The following MAGI1 variants were observed in gnomAD, a reference collection of about 807,000 sequenced individuals.
MAGI1 encodes the protein membrane-associated guanylate kinase, WW and PDZ domain-containing protein 1.
MAGI1 carries 58 observed loss-of-function variants against 139.9 expected under a neutral mutation model. The ratio of observed to expected loss-of-function variants is 0.41; its 90% CI spans 0.34 to 0.52. The LOEUF is 0.52. MAGI1 is among the 20% of genes least tolerant of loss of function. MAGI1 has a pLI of 0.12. For missense variants in MAGI1, 1,874 were observed against 1,901.6 expected, an observed-to-expected ratio of 0.99 and a Z score of 0.27; for synonymous variants, 812 against 737.9, an observed-to-expected ratio of 1.10 and a Z score of -1.63.
At chr3:65,377,866 C>G (rs574917420) in intron 17 of MAGI1, among the ~76,000 whole-genome samples, 1 of 152,100 alleles carries the variant, frequency 6.6e-6, no homozygotes, top group Non-Finnish European at 1.5e-5. Flanking sequence ...ATAAAACTTA[C>G]GGGGAGACAG....
chr3:65,403,351 T>C (rs1426726719), intron 12 of MAGI1, among the ~76,000 whole-genome samples: 3 of 152,170 alleles, frequency 2.0e-5, no homozygotes, highest in Non-Finnish European at 4.4e-5. Flanking sequence ...ATAAAAAAGA[T>C]TATAGGAGAA....
intron 1 of MAGI1, among the ~76,000 whole-genome samples, chr3:65,741,163 A>C (rs2035227901): frequency 6.7e-6 from 1 of 149,392 alleles, no homozygotes; most frequent in Non-Finnish European, 1.5e-5. Flanking sequence ...AAAATAAAAG[A>C]GGTTGCTATT....
intron 1 of MAGI1, among the ~76,000 whole-genome samples, chr3:65,743,889 T>G (rs2035479112): frequency 6.6e-6 from 1 of 152,088 alleles, no homozygotes; most frequent in South Asian, 2.1e-4. Context: ...GAAAATTAAT[T>G]TACACATAAA....
intron 2 of MAGI1, among the ~76,000 whole-genome samples, chr3:65,549,000 T>C (rs11706202): frequency 0.49 from 74,582 of 152,152 alleles, 18,548 homozygotes; most frequent in East Asian, 0.69. Flanking sequence ...CAAGGGACCC[T>C]GGCCCTAGGC....
chr3:65,394,686 T>TG (rs1944244142), intron 13 of MAGI1, among the ~76,000 whole-genome samples: 1 of 151,796 alleles, frequency 6.6e-6, no homozygotes, highest in South Asian at 2.1e-4. Flanking sequence ...AAAGTAATTT[T>TG]TTTTTTATTT....
chr3:65,842,430 G>A (rs1222428727), intron 1 of MAGI1, among the ~76,000 whole-genome samples: 4 of 149,826 alleles, frequency 2.7e-5, no homozygotes, highest in African/African-American at 4.9e-5. Flanking sequence ...GCGCAATCTC[G>A]ACTCACCACA....
chr3:65,425,114 AAAAAAAAAAAAAAAAAAAC>A (rs1429270348), intron 12 of MAGI1, among the ~76,000 whole-genome samples: 5 of 30,460 alleles, frequency 1.6e-4, no homozygotes, highest in African/African-American at 2.4e-4. Flanking sequence ...CTTCTAAAAA[AAAAAAAAAAAAAAAAAAAC>A]AAAAAAAAAC....
intron 2 of MAGI1, among the ~76,000 whole-genome samples, chr3:65,542,828 G>C (rs1248290512): frequency 6.6e-6 from 1 of 152,108 alleles, no homozygotes; most frequent in African/African-American, 2.4e-5. Flanking sequence ...TATCATTCAG[G>C]ACATAAGCAT....
intron 9 of MAGI1, among the ~76,000 whole-genome samples, chr3:65,438,542 T>G (rs1451059565): frequency 6.6e-6 from 1 of 152,180 alleles, no homozygotes; most frequent in Non-Finnish European, 1.5e-5. Flanking sequence ...TCTTTTTAGC[T>G]AGAAAAGAGA....
chr3:65,999,400 T>G (rs2066622640), intron 1 of MAGI1, among the ~76,000 whole-genome samples: 1 of 152,156 alleles, frequency 6.6e-6, no homozygotes, highest in Admixed American at 6.5e-5. Flanking sequence ...ACTTTCAATG[T>G]GCCAAGCATA....
intron 1 of MAGI1, among the ~76,000 whole-genome samples, chr3:65,942,030 G>A (rs370255435): frequency 1.3e-5 from 2 of 152,084 alleles, no homozygotes; most frequent in East Asian, 1.9e-4. Flanking sequence ...CAAGTGATCC[G>A]CCTGCCTTGG....
At chr3:65,539,979 CA>C (rs1308575165) in intron 2 of MAGI1, among the ~76,000 whole-genome samples, 2 of 152,090 alleles carry the variant, frequency 1.3e-5, no homozygotes, top group Admixed American at 1.3e-4. Flanking sequence ...TGAACTCAGG[CA>C]AGTAAGGTAA....
intron 22 of MAGI1, among the ~76,000 whole-genome samples, chr3:65,357,959 G>T (rs551914504): frequency 6.6e-6 from 1 of 152,248 alleles, no homozygotes; most frequent in East Asian, 1.9e-4. Flanking sequence ...ATAGATAAAA[G>T]GTAGGGGAAG....
intron 1 of MAGI1, among the ~76,000 whole-genome samples, chr3:65,852,145 A>G (rs147837581): frequency 2.0e-5 from 3 of 152,318 alleles, no homozygotes; most frequent in African/African-American, 7.2e-5. Context: ...AAGCAAGTTC[A>G]TGCATCATCA....
intron 18 of MAGI1, among the ~76,000 whole-genome samples, chr3:65,367,754 C>T (rs906798324): frequency 6.6e-6 from 1 of 152,142 alleles, no homozygotes; most frequent in African/African-American, 2.4e-5. Context: ...TGACAGTGAA[C>T]TTTTAGTTTT....
At chr3:66,025,350 G>A (rs2107570996) in intron 1 of MAGI1, among the ~76,000 whole-genome samples, 1 of 151,686 alleles carries the variant, frequency 6.6e-6, no homozygotes, top group South Asian at 2.1e-4. Context: ...ACCAGCCTGA[G>A]CAAGACAGTG....
At chr3:65,937,671 T>A (rs1312421608) in intron 1 of MAGI1, among the ~76,000 whole-genome samples, 1 of 152,112 alleles carries the variant, frequency 6.6e-6, no homozygotes, top group African/African-American at 2.4e-5. Context: ...AGCCACTTCT[T>A]TTATTTTGTG....
chr3:66,007,328 C>A (rs922031323), intron 1 of MAGI1, among the ~76,000 whole-genome samples: 1 of 152,206 alleles, frequency 6.6e-6, no homozygotes, highest in Non-Finnish European at 1.5e-5. Flanking sequence ...GACACACTGT[C>A]TCTTTTCCTA....
chr3:65,929,087 G>T (rs1021321863), intron 1 of MAGI1, among the ~76,000 whole-genome samples: 5 of 151,512 alleles, frequency 3.3e-5, no homozygotes, highest in African/African-American at 1.2e-4. Context: ...CCAGCAGGTC[G>T]AGGCTGCAGT....
Sources: gnomAD v4.1 joint callset for allele counts (sites outside exome capture counted in the v4.1 genomes callset) on GRCh38, gnomAD v4.1.1 for gene constraint, MANE v1.5 for transcripts, NCBI Gene and HGNC (gene_info 2026-07-23, HGNC 2026-07-21) for gene names.